Variants in WDR19 observed in about 807,000 individuals in gnomAD.
WDR19 encodes the protein WD repeat-containing protein 19.
A neutral mutation model predicts 180.0 loss-of-function variants in WDR19; 121 were observed. The ratio of observed to expected loss-of-function variants is 0.67; its 90% CI spans 0.58 to 0.78. WDR19 has a LOEUF of 0.78. WDR19 is among the 30% of genes least tolerant of loss of function. The pLI, the probability that WDR19 is intolerant of heterozygous loss-of-function variation, is 0.00. For synonymous variants in WDR19, 497 were observed against 540.7 expected (o/e 0.92, Z 1.12); for missense variants, 1,450 against 1,640.7 (o/e 0.88, Z 2.01).
chr4:39,225,940 C>G (rs140326701), intron 15 of WDR19, among the ~76,000 whole-genome samples: 1 of 152,166 alleles, frequency 6.6e-6, no homozygotes, highest in East Asian at 1.9e-4. Context: ...AATTCCTAAT[C>G]TGCTAGTTCT....
intron 24 of WDR19, among the ~76,000 whole-genome samples, chr4:39,246,699 A>C (rs1577981773): frequency 1.3e-5 from 2 of 152,206 alleles, no homozygotes; most frequent in African/African-American, 2.4e-5. Context: ...GCACACCAGG[A>C]GATTATATCC....
Position 39,280,169 on chromosome 4 carries a change from G to A in WDR19, c.*13+1506G>A, listed in dbSNP as rs575086133. Among the ~76,000 whole-genome samples, 6 of 113,514 alleles carry A rather than the reference G, an allele frequency of 5.3e-5. No individual in the cohort carries two copies. In the East Asian group the frequency reaches 9.0e-4, roughly 17 times the overall value. The allele number at this position is 113,514 out of a possible 152,430, so 74.5% of individuals were successfully genotyped here. ...TAGAGGCAGGGTCTCGCCACATTGC[G>A]CAGATTGGTCTCGAACTCCTAGGCT... On this transcript the variant is annotated intron_variant, in intron 36 of 36. Transcript: ENST00000399820.
In WDR19 at chr4:39,232,655, T is replaced by C. The variant is rs776895777; in HGVS notation, c.2253+383T>C. 7.9e-5 allele frequency among the ~76,000 whole-genome samples: 12 copies of C among 151,632 alleles called. No individual in the cohort carries two copies. In the South Asian group the frequency reaches 2.5e-3, roughly 32 times the overall value. ...AGGCAGAGATTGCAGTGAGCCAAGA[T>C]TGTACCACTGCACTCCAGCCTGGGT... On this transcript the variant is annotated intron_variant, in intron 19 of 36. Coordinates refer to ENST00000399820, the MANE Select transcript of WDR19 (RefSeq NM_025132.4).
At chr4:39,204,015 T>C (rs1014734231) in intron 7 of WDR19, among the ~76,000 whole-genome samples, 2 of 152,128 alleles carry the variant, frequency 1.3e-5, no homozygotes, top group African/African-American at 4.8e-5. Flanking sequence ...TTAATTCATA[T>C]ATTATTTTTA....
intron 3 of WDR19, among the ~76,000 whole-genome samples, chr4:39,187,735 G>A (rs369128263): frequency 2.6e-5 from 4 of 152,282 alleles, no homozygotes; most frequent in South Asian, 2.1e-4. Flanking sequence ...AGTAAATTGC[G>A]TGAGCTTTAT....
intron 1 of WDR19, among the ~76,000 whole-genome samples, chr4:39,183,291 C>G (rs1228732913): frequency 8.1e-6 from 1 of 122,852 alleles, no homozygotes; most frequent in Non-Finnish European, 1.6e-5. Flanking sequence ...GCTCTGTTAC[C>G]CAGGCTGGAG....
chr4:39,230,350 C>G (rs987287347), intron 17 of WDR19, among the ~76,000 whole-genome samples: 2 of 152,180 alleles, frequency 1.3e-5, no homozygotes, highest in Admixed American at 6.5e-5. Context: ...CTCCAGGAAG[C>G]CTTCCCCGAC....
At chr4:39,243,464 A>G (rs2109403601) in intron 21 of WDR19, among the ~76,000 whole-genome samples, 1 of 152,234 alleles carries the variant, frequency 6.6e-6, no homozygotes, top group African/African-American at 2.4e-5. Flanking sequence ...GTATTTTTTA[A>G]TGAATTGTCT....
chr4:39,226,160 G>A (rs1372972737), intron 15 of WDR19, among the ~76,000 whole-genome samples: 2 of 152,156 alleles, frequency 1.3e-5, no homozygotes, highest in East Asian at 1.9e-4. Flanking sequence ...CAAGAGAGTA[G>A]GAGGGTAAAT....
chr4:39,271,315 T>G (rs1735352151), intron 31 of WDR19, among the ~76,000 whole-genome samples: 1 of 152,274 alleles, frequency 6.6e-6, no homozygotes, highest in South Asian at 2.1e-4. Context: ...CAAATTGGGA[T>G]TATGTTTAGT....
intron 15 of WDR19, 49 bp downstream of exon 15, chr4:39,225,082 G>T: frequency 7.1e-7 from 1 of 1,418,120 alleles, no homozygotes. Context: ...TGCAATATAG[G>T]GAAAAAAAGT....
At chr4:39,233,412 C>CTA (rs1220695425) in intron 19 of WDR19, among the ~76,000 whole-genome samples, 1 of 152,124 alleles carries the variant, frequency 6.6e-6, no homozygotes, top group African/African-American at 2.4e-5. Context: ...ACCCTAGATC[C>CTA]TATTTCTTTA....
chr4:39,227,093 ACT>A (rs557487377), intron 15 of WDR19, among the ~76,000 whole-genome samples: 7 of 152,032 alleles, frequency 4.6e-5, no homozygotes, highest in East Asian at 1.9e-4. Flanking sequence ...TTTCATGCGA[ACT>A]CTCTGTGTAG....
At chr4:39,245,147 A>G (rs1165508474) in intron 23 of WDR19, among the ~76,000 whole-genome samples, 5 of 150,842 alleles carry the variant, frequency 3.3e-5, no homozygotes, top group Admixed American at 6.6e-5. Context: ...GGGTTTCACC[A>G]TGTTGGCCAG....
chr4:39,209,202 A>G (rs939236927), intron 9 of WDR19, among the ~76,000 whole-genome samples: 2 of 152,224 alleles, frequency 1.3e-5, no homozygotes, highest in Admixed American at 6.5e-5. Flanking sequence ...AACAGCAGGA[A>G]AACCTGCAAA....
rs1010538551 is a variant in WDR19 at position 39,188,637 on chromosome 4, AAAAG to A, written c.165-1007_165-1004del. On this transcript the variant is annotated intron_variant, in intron 3 of 36. Transcript: ENST00000399820. The stretch of plus-strand genomic sequence containing the variant: ...TTGTCTCAAAAAAAAAAAAAAAAAG[AAAAG>A]AAAGAAAGAAAAGAAAATAACATTT... Among the ~76,000 whole-genome samples the A allele has an allele frequency of 1.0e-4, 15 of 150,368 alleles. No individual in the cohort carries two copies. In the Middle Eastern group the frequency reaches 0.031, roughly 315 times the overall value.
chr4:39,192,236 T>C (rs1726244990), intron 4 of WDR19, among the ~76,000 whole-genome samples: 1 of 152,220 alleles, frequency 6.6e-6, no homozygotes, highest in South Asian at 2.1e-4. Flanking sequence ...TCTGATACTA[T>C]TTTTAGCTCA....
chr4:39,246,700 G>A (rs1049522297), intron 24 of WDR19, among the ~76,000 whole-genome samples: 3 of 152,212 alleles, frequency 2.0e-5, no homozygotes, highest in Non-Finnish European at 4.4e-5. Context: ...CACACCAGGA[G>A]ATTATATCCT....
intron 1 of WDR19, among the ~76,000 whole-genome samples, chr4:39,183,250 CTTTTTTT>C (rs113490249): frequency 3.8e-5 from 3 of 79,224 alleles, no homozygotes; most frequent in Admixed American, 2.0e-4. Context: ...AAATGGAAGG[CTTTTTTT>C]TTTTTTTTTT....
Sources: gnomAD v4.1 joint callset for allele counts (sites outside exome capture counted in the v4.1 genomes callset) on GRCh38, gnomAD v4.1.1 for gene constraint, MANE v1.5 for transcripts, NCBI Gene and HGNC (gene_info 2026-07-23, HGNC 2026-07-21) for gene names.